NOTCH1: variants seen among roughly 807,000 people sequenced by gnomAD.
The protein encoded by NOTCH1 is neurogenic locus notch homolog protein 1.
NOTCH1 carries 37 observed loss-of-function variants against 254.8 expected under a neutral mutation model. The observed-to-expected ratio is 0.15, with a 90% CI of 0.11 to 0.19. The LOEUF (loss-of-function observed/expected upper bound fraction) is 0.19, where lower values mean the gene tolerates loss of function less well. Among genes scored for constraint, NOTCH1 ranks in the 10% least tolerant of loss-of-function variants. The probability of loss-of-function intolerance (pLI) is 1.00; values close to 1 mark genes in which losing one functional copy is unlikely to be tolerated. For synonymous variants in NOTCH1, 1,731 were observed against 1,618.1 expected, an observed-to-expected ratio of 1.07 and a Z score of -1.68; for missense variants, 2,972 against 3,708.6, an observed-to-expected ratio of 0.80 and a Z score of 5.16.
rs1842981360 is a variant in NOTCH1 at position 136,500,697 on chromosome 9, G to A, written c.5789C>T (p.Thr1930Ile). 6.2e-7 allele frequency: 1 copy of A among 1,610,454 alleles called. No individual in the cohort carries two copies. The highest frequency in any genetic ancestry group is 8.5e-7 in the Non-Finnish European group (1 of 1,179,910). ...LHNQTDRTGETALHLAARYSR... is the reference protein window; with the variant it reads ...LHNQTDRTGEIALHLAARYSR... ...GTAGCGGGCGGCCAGGTGCAAGGCG[G>A]TCTCGCCCGTGCGGTCTGTCTGGTT... Residue 1930 changes from threonine to isoleucine, a missense_variant, in exon 31 of 34, where the codon ACC becomes ATC. Transcript: ENST00000651671.
chr9:136,512,549 G>A (rs1252985283), intron 15 of NOTCH1, among the ~76,000 whole-genome samples: 1 of 152,186 alleles, frequency 6.6e-6, no homozygotes, highest in African/African-American at 2.4e-5. Flanking sequence ...CACACAAAGA[G>A]AGCCCGCCAT....
chr9:136,513,148 G>T lies in NOTCH1; in HGVS notation c.2354-14C>A, dbSNP rs376797282. On this transcript the variant is annotated splice_polypyrimidine_tract_variant and intron_variant, in intron 14 of 33. Transcript: ENST00000651671. This position sits in a 1 kb window ranked among gnomAD's most constrained non-coding sequence, Gnocchi z 4.7. ...GGCAGTTGGGACCTGGAGGGAAGGG[G>T]ACAGCACTCGGCATGTCCAGCACTC... The T allele has an allele frequency of 2.2e-5, 36 of 1,601,178 alleles. No individual in the cohort carries two copies. The highest frequency in any genetic ancestry group is 2.7e-5 in the Non-Finnish European group (31 of 1,169,612).
At chr9:136,537,624 C>T (rs1202535403) in intron 2 of NOTCH1, among the ~76,000 whole-genome samples, 2 of 152,134 alleles carry the variant, frequency 1.3e-5, no homozygotes, top group Non-Finnish European at 2.9e-5. Context: ...AGCAAGACCC[C>T]GCTTCTGCAA....
intron 7 of NOTCH1, 23 bp downstream of exon 7, chr9:136,518,114 G>A (rs556542561): frequency 1.4e-5 from 22 of 1,571,770 alleles, no homozygotes; most frequent in Admixed American, 9.1e-5. Flanking sequence ...CCACCTGGCC[G>A]CACCCCCTGT....
chr9:136,534,883 A>C (rs1843618612), intron 2 of NOTCH1, among the ~76,000 whole-genome samples: 1 of 43,572 alleles, frequency 2.3e-5, no homozygotes, highest in Non-Finnish European at 4.3e-5. Context: ...CTCCCCACAG[A>C]GCCCCCCAGT....
chr9:136,515,077 G>C (rs1843242378), intron 12 of NOTCH1, among the ~76,000 whole-genome samples: 1 of 152,210 alleles, frequency 6.6e-6, no homozygotes, highest in African/African-American at 2.4e-5. Context: ...ACACGGCCTG[G>C]GACAGCTCTG....
chr9:136,528,389 C>T (rs1843502701), intron 2 of NOTCH1, among the ~76,000 whole-genome samples: 1 of 117,438 alleles, frequency 8.5e-6, no homozygotes, highest in Non-Finnish European at 1.7e-5. Context: ...TGGGCAGGGA[C>T]AGTGGGGGGG....
intron 2 of NOTCH1, among the ~76,000 whole-genome samples, chr9:136,538,625 G>A (rs1564213006): frequency 1.3e-5 from 2 of 152,344 alleles, no homozygotes; most frequent in South Asian, 4.1e-4. Context: ...TCCTCAGCCC[G>A]GGGAAAGATC....
chr9:136,529,227 G>A (rs1371574928), intron 2 of NOTCH1, among the ~76,000 whole-genome samples: 4 of 152,232 alleles, frequency 2.6e-5, no homozygotes, highest in African/African-American at 4.8e-5. Flanking sequence ...TGGCTGGGGG[G>A]ACACTGTGAC....
intron 1 of NOTCH1, 25 bp from the exon 2 acceptor site, chr9:136,544,127 G>T (rs760194461): frequency 5.8e-6 from 9 of 1,553,660 alleles, no homozygotes; most frequent in South Asian, 2.4e-5. Context: ...GAGAAGAGAG[G>T]TCAGTCTCAC....
At chr9:136,507,494 C>T in intron 21 of NOTCH1, 57 bp from the exon 22 acceptor site, 4 of 1,558,690 alleles carry the variant, frequency 2.6e-6, no homozygotes, top group East Asian at 2.4e-5. Context: ...GGATGCAGTG[C>T]TCCCACACCC....
Position 136,506,789 on chromosome 9 carries a change from G to A in NOTCH1, c.3828C>T (p.Cys1276=), listed in dbSNP as rs771191964. Residue 1276 remains cysteine, a synonymous_variant, in exon 23 of 34, where the codon TGC becomes TGT. Transcript: ENST00000651671. This position sits in a 1 kb window ranked among gnomAD's most constrained non-coding sequence, Gnocchi z 4.5. ...GDVNECLSNP[C]DARGTQNCVQ... is the part of the protein sequence containing the mutation. ...CGCAGTTCTGGGTGCCACGGGCGTC[G>A]CAGGGATTGGACAGGCACTCGTTGA... is the stretch of plus-strand genomic sequence containing the variant. 8.7e-6 allele frequency: 14 copies of A among 1,610,844 alleles called. No homozygotes were observed. The highest frequency in any genetic ancestry group is 4.5e-5 in the East Asian group (2 of 44,754).
At position 136,522,931 on chromosome 9, in the gene NOTCH1, G is replaced by C; in HGVS notation, c.661C>G (p.Pro221Ala). Residue 221 changes from proline to alanine, a missense_variant, in exon 4 of 34, where the codon CCC becomes GCC. By Grantham distance (27) the Pro-to-Ala change is conservative. Around this residue, in one of 8 missense-constraint regions of NOTCH1, gnomAD observed 374 missense variants for 496.3 expected, o/e 0.75. Transcript: ENST00000651671. Reference sequence around the variant, plus strand: ...TTCTGGCAGGGCGAGGGGCTGCAGGGCACGTAGGGCCGCTCGCAGTTGGGG... The same window carrying C: ...TTCTGGCAGGGCGAGGGGCTGCAGGCCACGTAGGGCCGCTCGCAGTTGGGG... ...TGPNCERPYV[P>A]CSPSPCQNGG... 12 of 1,551,906 alleles carry C rather than the reference G, an allele frequency of 7.7e-6. No individual in the cohort carries two copies. Among genetic ancestry groups the C allele is most frequent in the Non-Finnish European group, 1.0e-5 (12 of 1,147,674 alleles).
intron 4 of NOTCH1, 145 bp downstream of exon 4, chr9:136,522,705 A>G (rs1843391635): frequency 2.6e-6 from 2 of 757,470 alleles, no homozygotes; most frequent in Non-Finnish European, 4.1e-6. Flanking sequence ...CACCACACGC[A>G]GTCTGGGGAA....
rs2133340443 is a variant in NOTCH1, at chr9:136,505,708, G to A, written c.4188C>T (p.Pro1396=). 1.2e-6 allele frequency: 2 copies of A among 1,603,580 alleles called. No homozygotes were observed. The highest frequency in any genetic ancestry group is 1.7e-6 in the Non-Finnish European group (2 of 1,173,872). ...GCTCACAGGTCCCCTGGTTGTAGCAGGGGTTGCCGCCCAGGCAGGGGCTGC... is the reference window on the plus strand; with the variant it reads ...GCTCACAGGTCCCCTGGTTGTAGCAAGGGTTGCCGCCCAGGCAGGGGCTGC... ...PASSPCLGGN[P]CYNQGTCEPT... Residue 1396 remains proline (P), a synonymous_variant, in exon 25 of 34, where the codon CCC becomes CCT. Transcript: ENST00000651671.
At chr9:136,502,555 CCGGGGGG>C in intron 27 of NOTCH1, 67 bp from the exon 28 acceptor site, 1 of 1,102,988 alleles carries the variant, frequency 9.1e-7, no homozygotes, top group Non-Finnish European at 1.2e-6. Flanking sequence ...AGGCTGGTGG[CCGGGGGG>C]CGGCGGACTG....
chr9:136,506,323 T>C lies in NOTCH1; in HGVS notation c.4014+204A>G, dbSNP rs1250226273. Among the ~76,000 whole-genome samples the C allele has an allele frequency of 6.6e-6, 1 of 150,800 alleles. No individual in the cohort carries two copies. Among genetic ancestry groups the C allele is most frequent in the African/African-American group, 2.4e-5 (1 of 40,908 alleles). ...TGCAGGGGACAGCCACCCCAGGGAG[T>C]CTACTTCCTGCTCCATTTTTCTATA... On this transcript the variant is annotated intron_variant, in intron 24 of 33. Transcript: ENST00000651671. The surrounding 1 kb of genome is among the most constrained non-coding windows in gnomAD (Gnocchi z 4.5).
intron 2 of NOTCH1, among the ~76,000 whole-genome samples, chr9:136,532,627 A>C (rs1190669299): frequency 2.0e-5 from 3 of 152,142 alleles, no homozygotes; most frequent in East Asian, 1.9e-4. Context: ...AGCCAACTCA[A>C]AAGAAGGCGC....
At position 136,495,271 on chromosome 9, in the gene NOTCH1, G is replaced by C; in HGVS notation, c.*800C>G. 1 of 399,036 alleles carries C rather than the reference G, an allele frequency of 2.5e-6. No individual in the cohort carries two copies. The highest frequency in any genetic ancestry group is 4.4e-6 in the Non-Finnish European group (1 of 226,094). 24.7% of individuals were successfully genotyped at this position (399,036 alleles called of 1,614,324 possible). On this transcript the variant is annotated 3_prime_UTR_variant, in exon 34 of 34. Transcript: ENST00000651671. ...GATGCCTACATTTCAAGAACGGGCAGGGGGCCGGGGTGGTTCTGGAGGGAC... is the reference window on the plus strand; with the variant it reads ...GATGCCTACATTTCAAGAACGGGCACGGGGCCGGGGTGGTTCTGGAGGGAC...
Sources: allele counts gnomAD v4.1 joint callset (sites outside exome capture counted in the v4.1 genomes callset), GRCh38; gene constraint gnomAD v4.1.1; regional missense constraint gnomAD v4.1.1; non-coding constraint Gnocchi (gnomAD v3.1); transcripts MANE v1.5; gene names NCBI Gene and HGNC (gene_info 2026-07-23, HGNC 2026-07-21).